SLC27A2: variants seen among roughly 807,000 people sequenced by gnomAD.
SLC27A2 encodes long-chain fatty acid transport protein 2.
Under a neutral mutation model 60.0 loss-of-function variants are expected in SLC27A2, and 54 were observed. The observed-to-expected ratio is 0.90, with a 90% CI of 0.72 to 1.13. The LOEUF (loss-of-function observed/expected upper bound fraction) is 1.13. Ranked by LOEUF, SLC27A2 falls within the 50% of genes most tolerant of loss-of-function variation. The pLI, the probability that SLC27A2 is intolerant of heterozygous loss-of-function variation, is 0.00. For missense variants in SLC27A2, 739 were observed against 777.6 expected (o/e 0.95, Z 0.59); for synonymous variants, 297 against 297.6 (o/e 1.00, Z 0.02).
At chr15:50,224,037 G>A (rs2045262420) in intron 5 of SLC27A2, among the ~76,000 whole-genome samples, 1 of 152,306 alleles carries the variant, frequency 6.6e-6, no homozygotes, top group East Asian at 1.9e-4. Context: ...CCTTGGGCAG[G>A]TCACATATGC....
chr15:50,193,970 G>A (rs570782600), intron 1 of SLC27A2, among the ~76,000 whole-genome samples: 38 of 152,220 alleles, frequency 2.5e-4, no homozygotes, highest in African/African-American at 8.4e-4. Flanking sequence ...ATCAGCCTGG[G>A]CAACGTAGCG....
At chr15:50,206,632 C>G (rs1400039264) in intron 4 of SLC27A2, among the ~76,000 whole-genome samples, 1 of 152,172 alleles carries the variant, frequency 6.6e-6, no homozygotes, top group Non-Finnish European at 1.5e-5. Flanking sequence ...TGGCACCTGT[C>G]ACTCCTGACA....
intron 1 of SLC27A2, 32 bp downstream of exon 1, chr15:50,182,937 C>T (rs1676142337): frequency 2.6e-6 from 4 of 1,562,422 alleles, no homozygotes; most frequent in Non-Finnish European, 3.5e-6. Context: ...GCCCTGGCAC[C>T]AGGGCTTCTC....
intron 4 of SLC27A2, among the ~76,000 whole-genome samples, chr15:50,221,608 A>G (rs1056413662): frequency 6.6e-6 from 1 of 152,216 alleles, no homozygotes; most frequent in African/African-American, 2.4e-5. Context: ...TTCTTATTCC[A>G]AAACCACTTC....
intron 4 of SLC27A2, among the ~76,000 whole-genome samples, chr15:50,211,018 C>T (rs1411223794): frequency 4.6e-5 from 7 of 152,210 alleles, no homozygotes; most frequent in African/African-American, 1.7e-4. Context: ...ACAGGCCTAG[C>T]CCTGGCCCCA....
intron 8 of SLC27A2, among the ~76,000 whole-genome samples, chr15:50,231,013 A>G (rs1172678349): frequency 6.6e-6 from 1 of 152,216 alleles, no homozygotes; most frequent in Non-Finnish European, 1.5e-5. Context: ...CTGTGCTGGC[A>G]CAAACACCCC....
At chr15:50,217,062 T>A (rs1364996693) in intron 4 of SLC27A2, among the ~76,000 whole-genome samples, 1 of 150,482 alleles carries the variant, frequency 6.6e-6, no homozygotes, top group African/African-American at 2.5e-5. Context: ...AACAAAGGCA[T>A]GAGAATAATA....
chr15:50,230,300 T>C (rs533060048), intron 8 of SLC27A2, among the ~76,000 whole-genome samples: 3 of 151,710 alleles, frequency 2.0e-5, no homozygotes, highest in Admixed American at 6.6e-5. Context: ...CCCAGCACTT[T>C]GGGAGGCCAA....
intron 1 of SLC27A2, among the ~76,000 whole-genome samples, chr15:50,190,818 T>C (rs2044966967): frequency 6.6e-6 from 1 of 151,754 alleles, no homozygotes; most frequent in Admixed American, 6.6e-5. Flanking sequence ...CTGATGGAGC[T>C]GCTCTACACC....
chr15:50,220,459 A>T (rs2045234497), intron 4 of SLC27A2, among the ~76,000 whole-genome samples: 1 of 152,238 alleles, frequency 6.6e-6, no homozygotes. Flanking sequence ...CATCCAATAG[A>T]CAAGGAAATA....
At chr15:50,217,498 A>G (rs1280030491) in intron 4 of SLC27A2, among the ~76,000 whole-genome samples, 3 of 152,140 alleles carry the variant, frequency 2.0e-5, no homozygotes, top group Non-Finnish European at 4.4e-5. Flanking sequence ...TAGCCAGGTT[A>G]TGCTTGCAGG....
Position 50,182,994 on chromosome 15 carries a change from G to C in SLC27A2, c.478+89G>C, listed in dbSNP as rs139001271. 3.0e-6 allele frequency: 4 copies of C among 1,320,062 alleles called. No individual in the cohort carries two copies. In the African/African-American group the frequency reaches 4.4e-5, roughly 15 times the overall value. 81.8% of individuals were successfully genotyped at this position (1,320,062 alleles called of 1,614,324 possible). A position where few individuals can be genotyped will look rare whatever the true frequency, so the allele number is the denominator to read the frequency against. The stretch of plus-strand genomic sequence containing the variant: ...CAGCGTGGCATAAGGGGTTCGCAGA[G>C]GGAGGTTCAGATCGGAACTGTAGGT... On this transcript the variant is annotated intron_variant, in intron 1 of 9. Coordinates refer to ENST00000267842, the MANE Select transcript of SLC27A2 (RefSeq NM_003645.4).
At chr15:50,230,354 C>T (rs1174038435) in intron 8 of SLC27A2, among the ~76,000 whole-genome samples, 1 of 151,966 alleles carries the variant, frequency 6.6e-6, no homozygotes, top group Non-Finnish European at 1.5e-5. Context: ...ACCAGCCTGG[C>T]CAACATGGCA....
chr15:50,203,613 A>AAAATATATACACATATGTATATACAC (rs2045083671), intron 3 of SLC27A2, among the ~76,000 whole-genome samples: 1 of 152,162 alleles, frequency 6.6e-6, no homozygotes. Context: ...TGTATATATA[A>AAAATATATACACATATGTATATACAC]AAATATATAC....
intron 4 of SLC27A2, among the ~76,000 whole-genome samples, chr15:50,212,978 A>G (rs1169269850): frequency 6.6e-6 from 1 of 152,226 alleles, no homozygotes; most frequent in Admixed American, 6.5e-5. Flanking sequence ...TTGAATGTAA[A>G]TGGCCTAAAT....
At chr15:50,215,223 C>CA (rs908110123) in intron 4 of SLC27A2, among the ~76,000 whole-genome samples, 14 of 151,444 alleles carry the variant, frequency 9.2e-5, no homozygotes, top group South Asian at 2.1e-4. Flanking sequence ...ACAATAGCTG[C>CA]AAAAAAAATA....
At chr15:50,204,845 A>G (rs2045097853) in intron 3 of SLC27A2, among the ~76,000 whole-genome samples, 1 of 145,328 alleles carries the variant, frequency 6.9e-6, no homozygotes, top group African/African-American at 2.6e-5. Context: ...GTGTGTATAT[A>G]TATGTATGTG....
At chr15:50,208,828 T>A (rs1224772712) in intron 4 of SLC27A2, among the ~76,000 whole-genome samples, 2 of 152,252 alleles carry the variant, frequency 1.3e-5, no homozygotes, top group African/African-American at 4.8e-5. Flanking sequence ...TCAAAGCGAC[T>A]GTTTGTAATG....
chr15:50,232,912 G>C (rs1453751955), intron 8 of SLC27A2, among the ~76,000 whole-genome samples: 1 of 152,168 alleles, frequency 6.6e-6, no homozygotes, highest in East Asian at 1.9e-4. Flanking sequence ...CTGGGGCCCA[G>C]GTAACCAAGG....
Sources: gnomAD v4.1 joint callset for allele counts (sites outside exome capture counted in the v4.1 genomes callset) on GRCh38, gnomAD v4.1.1 for gene constraint, MANE v1.5 for transcripts, NCBI Gene and HGNC (gene_info 2026-07-23, HGNC 2026-07-21) for gene names.